Variants in HDAC4 observed in about 807,000 individuals in gnomAD.
The protein encoded by HDAC4 is histone deacetylase 4.
HDAC4 carries 16 observed loss-of-function variants against 135.1 expected under a neutral mutation model. That is an observed-to-expected ratio of 0.12 (90% confidence interval 0.08 to 0.18). HDAC4 has a LOEUF of 0.18. Ranked by LOEUF, HDAC4 falls within the 10% of genes least tolerant of loss-of-function variation. The pLI is 1.00. For missense variants in HDAC4, 1,143 were observed against 1,511.8 expected (o/e 0.76, Z 4.05); for synonymous variants, 685 against 653.4 (o/e 1.05, Z -0.74).
chr2:239,313,667 A>C lies in HDAC4; in HGVS notation c.22+39011T>G, dbSNP rs936883484. Among the ~76,000 whole-genome samples the C allele has an allele frequency of 1.3e-5, 2 of 152,226 alleles. No homozygotes were observed. Among genetic ancestry groups the C allele is most frequent in the Admixed American group, 6.5e-5 (1 of 15,284 alleles). On this transcript the variant is annotated intron_variant, in intron 2 of 26. Transcript: ENST00000543185. This position sits in a 1 kb window ranked among gnomAD's most constrained non-coding sequence, Gnocchi z 5.1. ...AGTTTCTTATGAAAATAAGCGCCTC[A>C]AAAGAAAGCCAACGTACAGCACTGG...
chr2:239,353,679 C>T (rs540020042), intron 1 of HDAC4, among the ~76,000 whole-genome samples: 22 of 152,316 alleles, frequency 1.4e-4, no homozygotes, highest in African/African-American at 5.3e-4. Flanking sequence ...ACCTTCCTTA[C>T]CCCTTCCAGA....
intron 3 of HDAC4, among the ~76,000 whole-genome samples, chr2:239,213,701 G>T (rs979130639): frequency 2.0e-5 from 3 of 152,236 alleles, no homozygotes; most frequent in African/African-American, 7.2e-5. Context: ...AAGGGGAGAC[G>T]CACAGGACAG....
chr2:239,270,357 CG>C (rs1485572975), intron 2 of HDAC4, among the ~76,000 whole-genome samples: 2 of 152,086 alleles, frequency 1.3e-5, no homozygotes, highest in Non-Finnish European at 2.9e-5. Context: ...AGCTGCCCCC[CG>C]ATGTATTCAA....
intron 13 of HDAC4, among the ~76,000 whole-genome samples, chr2:239,112,234 C>T (rs1320007706): frequency 6.6e-6 from 1 of 152,194 alleles, no homozygotes; most frequent in Non-Finnish European, 1.5e-5. Context: ...TCCACTCTGC[C>T]ATACCACACA....
At chr2:239,374,645 C>T (rs912161705) in intron 1 of HDAC4, among the ~76,000 whole-genome samples, 20 of 151,768 alleles carry the variant, frequency 1.3e-4, no homozygotes, top group Non-Finnish European at 2.7e-4. Flanking sequence ...CCTCGTGATC[C>T]GCCCGCCTCG....
At chr2:239,339,306 C>T (rs1341669132) in intron 2 of HDAC4, among the ~76,000 whole-genome samples, 3 of 152,162 alleles carry the variant, frequency 2.0e-5, no homozygotes, top group East Asian at 3.9e-4. Context: ...GGCCAGGTGC[C>T]GACAGAAGGC....
chr2:239,268,232 G>T (rs56947543), intron 2 of HDAC4, among the ~76,000 whole-genome samples: 1 of 152,336 alleles, frequency 6.6e-6, no homozygotes, highest in African/African-American at 2.4e-5. Context: ...AACAGCGCTG[G>T]CCACTCCCAG....
At chr2:239,087,691 C>A in intron 18 of HDAC4, 77 bp from the exon 19 acceptor site, 1 of 1,346,882 alleles carries the variant, frequency 7.4e-7, no homozygotes, top group Non-Finnish European at 1.1e-6. Context: ...GTTGCACACT[C>A]AACTTTTAGC....
At chr2:239,378,382 C>A (rs1489963075) in intron 1 of HDAC4, among the ~76,000 whole-genome samples, 2 of 152,170 alleles carry the variant, frequency 1.3e-5, no homozygotes, top group Non-Finnish European at 2.9e-5. Context: ...AGGCGTTGGC[C>A]CCGGGGAACG....
chr2:239,128,467 G>A (rs552352179), intron 11 of HDAC4, among the ~76,000 whole-genome samples: 28 of 151,854 alleles, frequency 1.8e-4, no homozygotes, highest in African/African-American at 6.8e-4. Flanking sequence ...AGGCAAGGTT[G>A]CAGTGAGCCC....
At chr2:239,204,918 G>A (rs749419207) in intron 3 of HDAC4, among the ~76,000 whole-genome samples, 3 of 152,142 alleles carry the variant, frequency 2.0e-5, no homozygotes, top group Admixed American at 6.5e-5. Flanking sequence ...TGCTACCTGG[G>A]TCAAAGAGCT....
intron 7 of HDAC4, among the ~76,000 whole-genome samples, chr2:239,150,760 A>G (rs111235540): frequency 9.0e-3 from 1,303 of 144,380 alleles, no homozygotes; most frequent in African/African-American, 0.036. Flanking sequence ...ACACCTTCAC[A>G]TACAGCAGCA....
chr2:239,336,954 G>A (rs142581808), intron 2 of HDAC4, among the ~76,000 whole-genome samples: 1 of 152,322 alleles, frequency 6.6e-6, no homozygotes, highest in African/African-American at 2.4e-5. Context: ...TTTCTCAAAG[G>A]ATGCTTGTTT....
intron 11 of HDAC4, among the ~76,000 whole-genome samples, chr2:239,130,515 A>G (rs1308648513): frequency 6.7e-6 from 1 of 150,154 alleles, no homozygotes. Flanking sequence ...TGACAGGGCC[A>G]CCTCCACGAG....
intron 1 of HDAC4, among the ~76,000 whole-genome samples, chr2:239,379,311 C>T (rs1434308696): frequency 1.3e-5 from 2 of 152,080 alleles, no homozygotes; most frequent in African/African-American, 4.8e-5. Context: ...GGGCGAGCCC[C>T]GGGGAGACGC....
chr2:239,084,544 G>A (rs1042969545), intron 19 of HDAC4, among the ~76,000 whole-genome samples: 4 of 149,864 alleles, frequency 2.7e-5, no homozygotes, highest in Non-Finnish European at 4.4e-5. Flanking sequence ...TCGGCTAACC[G>A]ACACGGACAT....
At chr2:239,256,053 T>C (rs767503548) in intron 2 of HDAC4, among the ~76,000 whole-genome samples, 1 of 152,262 alleles carries the variant, frequency 6.6e-6, no homozygotes, top group Admixed American at 6.5e-5. Context: ...TGTTTGTCTT[T>C]TATTTTAATG....
chr2:239,056,586 C>T (rs1038463933), intron 24 of HDAC4, among the ~76,000 whole-genome samples: 3 of 152,180 alleles, frequency 2.0e-5, no homozygotes, highest in Non-Finnish European at 2.9e-5. Context: ...GAATAAATAA[C>T]GAAATACACA....
intron 4 of HDAC4, among the ~76,000 whole-genome samples, chr2:239,184,427 T>C (rs1246865730): frequency 7.8e-6 from 1 of 128,386 alleles, no homozygotes; most frequent in Non-Finnish European, 1.6e-5. Flanking sequence ...GGGGGGTCCC[T>C]CAGTGTCTGT....
Sources: allele counts gnomAD v4.1 joint callset (sites outside exome capture counted in the v4.1 genomes callset), GRCh38; gene constraint gnomAD v4.1.1; non-coding constraint Gnocchi (gnomAD v3.1); transcripts MANE v1.5; gene names NCBI Gene and HGNC (gene_info 2026-07-23, HGNC 2026-07-21).